Variants in DSG2 observed in about 807,000 individuals in gnomAD.
DSG2 encodes the protein desmoglein 2, also known as desmoglein-2.
In DSG2, 45 loss-of-function variants were observed where a neutral mutation model predicts 75.6. The observed-to-expected ratio is 0.60, with a 90% CI of 0.47 to 0.76. The LOEUF is 0.76. Among genes scored for constraint, DSG2 ranks in the 30% least tolerant of loss-of-function variants. The pLI, the probability that DSG2 is intolerant of heterozygous loss-of-function variation, is 0.00. For synonymous variants in DSG2, 429 were observed against 483.9 expected (o/e 0.89, Z 1.49); for missense variants, 1,267 against 1,357.4 (o/e 0.93, Z 1.05).
At chr18:31,533,950 C>T (rs916459070) in intron 9 of DSG2, among the ~76,000 whole-genome samples, 12 of 150,688 alleles carry the variant, frequency 8.0e-5, no homozygotes, top group Middle Eastern at 3.5e-3. Flanking sequence ...ATGTTAAACT[C>T]ATTGGTATTC....
chr18:31,535,266 A>G lies in DSG2; in HGVS notation c.1281-4A>G. On this transcript the variant is annotated splice_polypyrimidine_tract_variant and splice_region_variant and intron_variant, in intron 9 of 14. Coordinates refer to ENST00000261590, the MANE Select transcript of DSG2 (RefSeq NM_001943.5). Reference sequence around the variant, plus strand: ...AAATTAATTTTATGTTTGTTTTATGACAGATATGTAAAATTAGAAGATAGA... The same window carrying G: ...AAATTAATTTTATGTTTGTTTTATGGCAGATATGTAAAATTAGAAGATAGA... 6.4e-7 allele frequency: 1 copy of G among 1,567,266 alleles called. No homozygotes were observed. The highest frequency in any genetic ancestry group is 8.8e-7 in the Non-Finnish European group (1 of 1,140,456).
intron 6 of DSG2, among the ~76,000 whole-genome samples, chr18:31,523,378 G>A (rs1413188005): frequency 6.6e-6 from 1 of 152,088 alleles, no homozygotes; most frequent in Non-Finnish European, 1.5e-5. Context: ...TCCAGCCTGG[G>A]CAACAGAGCA....
intron 8 of DSG2, among the ~76,000 whole-genome samples, chr18:31,527,926 G>T (rs1350440723): frequency 6.6e-6 from 1 of 152,134 alleles, no homozygotes; most frequent in African/African-American, 2.4e-5. Context: ...GCTCCACTAG[G>T]CGTCTTTTGA....
intron 11 of DSG2, 86 bp from the exon 12 acceptor site, chr18:31,538,665 C>T: frequency 9.4e-7 from 1 of 1,058,960 alleles, no homozygotes; most frequent in Non-Finnish European, 1.5e-6. Context: ...ATACAATCAG[C>T]AATGAAAGAA....
At chr18:31,526,360 T>C (rs1416845901) in intron 8 of DSG2, among the ~76,000 whole-genome samples, 1 of 152,188 alleles carries the variant, frequency 6.6e-6, no homozygotes, top group African/African-American at 2.4e-5. Flanking sequence ...AGAGGAATAA[T>C]GGTGATATAA....
Position 31,536,188 on chromosome 18 carries a change from C to A in DSG2, c.1424-14C>A, listed in dbSNP as rs1254343848. ...GGAACAGAATGTACATACTTTTTCT[C>A]TCTTATTTTTAAGATTATCCTAGAA... On this transcript the variant is annotated splice_polypyrimidine_tract_variant and intron_variant, in intron 10 of 14. Transcript: ENST00000261590. 2 of 1,611,988 alleles carry A rather than the reference C, an allele frequency of 1.2e-6. No homozygotes were observed.
chr18:31,516,061 A>G (rs1183612295), intron 1 of DSG2, among the ~76,000 whole-genome samples: 2 of 152,210 alleles, frequency 1.3e-5, no homozygotes, highest in East Asian at 3.8e-4. Flanking sequence ...ATACATATAG[A>G]CAATAATTTC....
intron 13 of DSG2, chr18:31,542,085 T>C: frequency 4.0e-6 from 1 of 251,634 alleles, no homozygotes; most frequent in Non-Finnish European, 7.8e-6. Flanking sequence ...GTACACCATT[T>C]CTGCTTCATT....
In DSG2 at chr18:31,528,640, G is replaced by A. The variant is rs1369516015; in HGVS notation, c.1015-2347G>A. ...CAGGAGAATTGCCTGAACCCGGGAG[G>A]CAGAGGTTGCTGTGAGCCAGCATCA... On this transcript the variant is annotated intron_variant, in intron 8 of 14. Coordinates refer to ENST00000261590, the MANE Select transcript of DSG2 (RefSeq NM_001943.5). 6.6e-5 allele frequency among the ~76,000 whole-genome samples: 10 copies of A among 150,650 alleles called. No individual in the cohort carries two copies. In the Admixed American group the frequency reaches 6.6e-4, roughly 10 times the overall value.
At chr18:31,518,135 T>A (rs1244863712) in intron 1 of DSG2, 104 bp from the exon 2 acceptor site, 5 of 959,320 alleles carry the variant, frequency 5.2e-6, no homozygotes, top group Non-Finnish European at 8.1e-6. Flanking sequence ...GGTTAAACTT[T>A]TTTTATGTCT....
intron 1 of DSG2, 133 bp downstream of exon 1, chr18:31,498,429 G>C: frequency 2.0e-6 from 2 of 976,016 alleles, no homozygotes; most frequent in Non-Finnish European, 2.6e-6. Flanking sequence ...TGCTGCCCGA[G>C]GGGGGAAAAG....
At position 31,546,300 on chromosome 18, in the gene DSG2, T is replaced by A; in HGVS notation, c.2914T>A (p.Ser972Thr). 6.2e-7 allele frequency: 1 copy of A among 1,603,328 alleles called. No individual in the cohort carries two copies. The highest frequency in any genetic ancestry group is 1.7e-4 in the Middle Eastern group (1 of 5,988). Residue 972 changes from serine to threonine, a missense_variant, in exon 15 of 15, where the codon TCT becomes ACT. Coordinates refer to ENST00000261590, the MANE Select transcript of DSG2 (RefSeq NM_001943.5). ...IVTERVYAPA[S>T]TLVDQPYANE... ...GACAGAGAGGGTGTATGCTCCAGCT[T>A]CTACCTTGGTAGATCAGCCTTATGC...
Position 31,521,111 on chromosome 18 carries a change from G to A in DSG2, c.391G>A (p.Ala131Thr), listed in dbSNP as rs373542380. Residue 131 changes from alanine to threonine, a missense_variant, in exon 5 of 15, where the codon GCT becomes ACT. Transcript: ENST00000261590. ...GTCATGATTTCAGCTAACAGGTTACGCTTTGGATGCAAGAGGAAACAATGT... is the reference window on the plus strand; with the variant it reads ...GTCATGATTTCAGCTAACAGGTTACACTTTGGATGCAAGAGGAAACAATGT... ...ETPFFLLTGY[A>T]LDARGNNVEK... 12 of 1,613,792 alleles carry A rather than the reference G, an allele frequency of 7.4e-6. No individual in the cohort carries two copies. The highest frequency in any genetic ancestry group is 3.3e-5 in the Admixed American group (2 of 59,978).
chr18:31,507,727 T>G (rs2073046192), intron 1 of DSG2, among the ~76,000 whole-genome samples: 1 of 152,242 alleles, frequency 6.6e-6, no homozygotes, highest in African/African-American at 2.4e-5. Flanking sequence ...ATGTCTTCTT[T>G]TGAGAAGTGT....
chr18:31,500,168 T>C (rs1419912294), intron 1 of DSG2, among the ~76,000 whole-genome samples: 3 of 152,106 alleles, frequency 2.0e-5, no homozygotes, highest in African/African-American at 7.2e-5. Context: ...AATAACGGAA[T>C]TTACTCTAGC....
At chr18:31,537,177 G>A (rs934580250) in intron 11 of DSG2, among the ~76,000 whole-genome samples, 16 of 151,952 alleles carry the variant, frequency 1.1e-4, no homozygotes, top group African/African-American at 3.9e-4. Context: ...CAGCTTTATT[G>A]TGTTAAGTCT....
At position 31,546,260 on chromosome 18, in the gene DSG2, A is replaced by C; in HGVS notation, c.2874A>C (p.Pro958=). Residue 958 remains proline (P), a synonymous_variant, in exon 15 of 15, where the codon CCA becomes CCC. Transcript: ENST00000261590. ...CTGTGATCCTGGGTCCTAGCCAGCC[A>C]CAGAGCCTTATTGTGACAGAGAGGG... ...PTTVILGPSQ[P]QSLIVTERVY... 1 of 1,605,230 alleles carries C rather than the reference A, an allele frequency of 6.2e-7. No homozygotes were observed. The highest frequency in any genetic ancestry group is 8.5e-7 in the Non-Finnish European group (1 of 1,175,160).
chr18:31,500,434 C>A (rs185303775), intron 1 of DSG2, among the ~76,000 whole-genome samples: 1 of 152,280 alleles, frequency 6.6e-6, no homozygotes, highest in Non-Finnish European at 1.5e-5. Flanking sequence ...TGCTAGGATG[C>A]ATAACAACAT....
chr18:31,529,518 C>T (rs1392563167), intron 8 of DSG2, among the ~76,000 whole-genome samples: 1 of 152,108 alleles, frequency 6.6e-6, no homozygotes, highest in African/African-American at 2.4e-5. Context: ...TCTTTTTCTC[C>T]TGTGTCCTTG....
Sources: allele counts gnomAD v4.1 joint callset (sites outside exome capture counted in the v4.1 genomes callset), GRCh38; gene constraint gnomAD v4.1.1; transcripts MANE v1.5; gene names NCBI Gene and HGNC (gene_info 2026-07-23, HGNC 2026-07-21).